The following NDST3 variants were observed in gnomAD, a reference collection of about 807,000 sequenced individuals.
NDST3 encodes N-deacetylase and N-sulfotransferase 3.
A neutral mutation model predicts 96.1 loss-of-function variants in NDST3; 58 were observed. The ratio of observed to expected loss-of-function variants is 0.60; its 90% CI spans 0.49 to 0.75. NDST3 has a LOEUF of 0.75. NDST3 is among the 30% of genes least tolerant of loss of function. NDST3 has a pLI of 0.00. For missense variants in NDST3, 788 were observed against 1,034.2 expected (o/e 0.76, Z 3.27); for synonymous variants, 333 against 359.7 (o/e 0.93, Z 0.84).
intron 6 of NDST3, among the ~76,000 whole-genome samples, chr4:118,163,767 T>C (rs1735361618): frequency 6.6e-6 from 1 of 151,460 alleles, no homozygotes; most frequent in Admixed American, 6.6e-5. Flanking sequence ...TAAAATAAAA[T>C]AAAATAAGAA....
At chr4:118,170,822 G>C (rs1484579550) in intron 6 of NDST3, among the ~76,000 whole-genome samples, 1 of 152,184 alleles carries the variant, frequency 6.6e-6, no homozygotes, top group Non-Finnish European at 1.5e-5. Flanking sequence ...CTAATTATTT[G>C]CCTTTTCTAT....
chr4:118,202,033 T>G (rs1738122895), intron 6 of NDST3, among the ~76,000 whole-genome samples: 1 of 152,218 alleles, frequency 6.6e-6, no homozygotes, highest in African/African-American at 2.4e-5. Context: ...CAACATTTAT[T>G]GAATGGGAAG....
intron 2 of NDST3, among the ~76,000 whole-genome samples, chr4:118,061,499 G>T (rs184120579): frequency 6.6e-6 from 1 of 152,216 alleles, no homozygotes; most frequent in South Asian, 2.1e-4. Context: ...AGACAAATGT[G>T]ACAAATCTGG....
In NDST3 at chr4:118,233,102, T is replaced by G. The variant is rs756449820; in HGVS notation, c.1910T>G (p.Phe637Cys). The part of the protein sequence containing the change: ...SPKTFEEVQF[F>C]NRNNYHRGID... ...AAAACCTTTGAGGAGGTACAGTTCTTTAATAGAAATAACTACCACAGGGGG... is the reference window on the plus strand; with the variant it reads ...AAAACCTTTGAGGAGGTACAGTTCTGTAATAGAAATAACTACCACAGGGGG... Residue 637 changes from phenylalanine to cysteine, a missense_variant, in exon 9 of 14, where the codon TTT becomes TGT. This residue lies in a region of NDST3 where 490 missense variants were observed against 708.8 expected (regional missense o/e 0.69). Coordinates refer to ENST00000296499, the MANE Select transcript of NDST3 (RefSeq NM_004784.3). The G allele has an allele frequency of 6.2e-7, 1 of 1,612,928 alleles. No homozygotes were observed. Among genetic ancestry groups the G allele is most frequent in the Non-Finnish European group, 8.5e-7 (1 of 1,179,006 alleles).
At chr4:118,205,595 G>C (rs1560716872) in intron 6 of NDST3, among the ~76,000 whole-genome samples, 2 of 144,348 alleles carry the variant, frequency 1.4e-5, no homozygotes, top group African/African-American at 2.6e-5. Context: ...TTTAGAGACA[G>C]AGTTCAAGAT....
chr4:118,181,393 T>C (rs1464349342), intron 6 of NDST3, among the ~76,000 whole-genome samples: 1 of 152,112 alleles, frequency 6.6e-6, no homozygotes, highest in Non-Finnish European at 1.5e-5. Flanking sequence ...AGGAGCCAGT[T>C]TGAGATCTTG....
Position 118,253,487 on chromosome 4 carries a change from T to A in NDST3, c.2400-12T>A. The A allele has an allele frequency of 1.2e-6, 1 of 867,362 alleles. No homozygotes were observed. Among genetic ancestry groups the A allele is most frequent in the Non-Finnish European group, 1.5e-6 (1 of 672,200 alleles). The allele number at this position is 867,362 out of a possible 1,614,324, so 53.7% of individuals were successfully genotyped here. A position where few individuals can be genotyped will look rare whatever the true frequency, so the allele number is the denominator to read the frequency against. On this transcript the variant is annotated splice_polypyrimidine_tract_variant and intron_variant, in intron 12 of 13. Coordinates refer to ENST00000296499, the MANE Select transcript of NDST3 (RefSeq NM_004784.3). ...TTTCTGGTTTTTCTGTGTGTATTCT[T>A]TTTTTTTTTAGGTTTGATTCTCATA...
At chr4:118,194,498 A>T (rs970333504) in intron 6 of NDST3, 2 of 719,964 alleles carry the variant, frequency 2.8e-6, no homozygotes, top group African/African-American at 3.5e-5. Flanking sequence ...AGCCTTGTTG[A>T]CCTCCCCTTT....
intron 6 of NDST3, among the ~76,000 whole-genome samples, chr4:118,202,930 T>C (rs566189720): frequency 2.6e-5 from 4 of 152,340 alleles, no homozygotes; most frequent in South Asian, 2.1e-4. Flanking sequence ...GTCCACTTAG[T>C]ATGATGTTGG....
Position 118,054,681 on chromosome 4 carries a change from T to C in NDST3, c.771T>C (p.Ile257=), listed in dbSNP as rs867086505. ...SISKGAFYAT[I]IHDLGLHDGI... is the part of the protein sequence containing the mutation. ...CTAAAGGTGCTTTTTATGCCACTAT[T>C]ATACATGACCTGGGGCTTCATGATG... The change falls in exon 2 of 14, where the codon ATT becomes ATC. Residue 257 remains isoleucine, a synonymous_variant. Transcript: ENST00000296499. 6.2e-7 allele frequency: 1 copy of C among 1,613,388 alleles called. No homozygotes were observed. The highest frequency in any genetic ancestry group is 1.1e-5 in the South Asian group (1 of 91,072).
intron 5 of NDST3, among the ~76,000 whole-genome samples, chr4:118,142,853 A>G (rs968729892): frequency 6.6e-6 from 1 of 152,100 alleles, no homozygotes; most frequent in Non-Finnish European, 1.5e-5. Flanking sequence ...GAAGCAGATA[A>G]TACATATATA....
At chr4:118,062,884 T>C (rs1010852506) in intron 2 of NDST3, among the ~76,000 whole-genome samples, 23 of 152,066 alleles carry the variant, frequency 1.5e-4, no homozygotes, top group Admixed American at 1.1e-3. Context: ...TGGTGACTGA[T>C]TACATTTTTT....
At chr4:118,081,043 G>C (rs773823842) in intron 2 of NDST3, among the ~76,000 whole-genome samples, 1 of 152,162 alleles carries the variant, frequency 6.6e-6, no homozygotes, top group Admixed American at 6.5e-5. Flanking sequence ...TATATAAGTT[G>C]TGAAGCCAGA....
At chr4:118,100,997 A>G (rs1729719269) in intron 2 of NDST3, among the ~76,000 whole-genome samples, 3 of 152,140 alleles carry the variant, frequency 2.0e-5, no homozygotes, top group Admixed American at 6.6e-5. Flanking sequence ...TATATGATTG[A>G]CTATAAAATA....
intron 6 of NDST3, among the ~76,000 whole-genome samples, chr4:118,167,917 G>A (rs1420574642): frequency 6.6e-6 from 1 of 151,836 alleles, no homozygotes; most frequent in Admixed American, 6.6e-5. Flanking sequence ...ATTTAAAATG[G>A]ATTAAAGACT....
intron 12 of NDST3, among the ~76,000 whole-genome samples, chr4:118,249,082 T>A (rs980039798): frequency 3.3e-5 from 5 of 152,360 alleles, no homozygotes; most frequent in Middle Eastern, 3.4e-3. Context: ...ACCTGCTGCA[T>A]AAGATCTAAT....
chr4:118,194,603 TC>T, intron 6 of NDST3: 1 of 724,532 alleles, frequency 1.4e-6, no homozygotes, highest in Non-Finnish European at 2.6e-6. Flanking sequence ...AAAGATTCAG[TC>T]CCCAATCATG....
chr4:118,249,747 C>CACACAA (rs1741545491), intron 12 of NDST3, among the ~76,000 whole-genome samples: 1 of 151,956 alleles, frequency 6.6e-6, no homozygotes, highest in Non-Finnish European at 1.5e-5. Flanking sequence ...CACACACACA[C>CACACAA]ACACACACAC....
At chr4:118,179,688 C>T (rs776559661) in intron 6 of NDST3, among the ~76,000 whole-genome samples, 28 of 151,914 alleles carry the variant, frequency 1.8e-4, no homozygotes, top group Non-Finnish European at 3.8e-4. Context: ...ATTATTTTTC[C>T]TGTGCCCATC....
Sources: allele counts gnomAD v4.1 joint callset (sites outside exome capture counted in the v4.1 genomes callset), GRCh38; gene constraint gnomAD v4.1.1; regional missense constraint gnomAD v4.1.1; transcripts MANE v1.5; gene names NCBI Gene and HGNC (gene_info 2026-07-23, HGNC 2026-07-21).